The following GRIK4 variants were observed in gnomAD, a reference collection of about 807,000 sequenced individuals.
GRIK4 encodes the protein glutamate ionotropic receptor kainate type subunit 4.
GRIK4 carries 40 observed loss-of-function variants against 104.9 expected under a neutral mutation model. That is an observed-to-expected ratio of 0.38 (90% CI 0.30 to 0.50). The LOEUF is 0.50. Among genes scored for constraint, GRIK4 ranks in the 20% least tolerant of loss-of-function variants. GRIK4 has a pLI of 0.93. For missense variants in GRIK4, 1,047 were observed against 1,308.1 expected (o/e 0.80, Z 3.08); for synonymous variants, 485 against 524.9 (o/e 0.92, Z 1.04).
In GRIK4 at chr11:120,842,926, AG is replaced by A. The variant is rs1349904255; in HGVS notation, c.744+6085del. On this transcript the variant is annotated intron_variant, in intron 8 of 20. Coordinates refer to ENST00000527524, the MANE Select transcript of GRIK4 (RefSeq NM_014619.5). ...GCTCAATTTGAGCTAATAAATCTGGAGGGATTATCCAGCAACTAATGAACCC... is the reference window on the plus strand; with the variant it reads ...GCTCAATTTGAGCTAATAAATCTGGAGGATTATCCAGCAACTAATGAACCC... Among the ~76,000 whole-genome samples the A allele has an allele frequency of 2.0e-5, 3 of 152,380 alleles. No homozygotes were observed. In the East Asian group the frequency reaches 5.8e-4, roughly 29 times the overall value.
intron 11 of GRIK4, among the ~76,000 whole-genome samples, chr11:120,887,235 C>T (rs988274967): frequency 1.3e-5 from 2 of 152,150 alleles, no homozygotes; most frequent in African/African-American, 2.4e-5. Context: ...CCTTGTATCC[C>T]TCACATCAGT....
intron 3 of GRIK4, among the ~76,000 whole-genome samples, chr11:120,754,609 G>T (rs1203884453): frequency 6.6e-6 from 1 of 152,120 alleles, no homozygotes; most frequent in Non-Finnish European, 1.5e-5. Context: ...TATATACCTA[G>T]GAGTAGAATT....
chr11:120,619,425 G>A (rs1036298247), intron 1 of GRIK4, among the ~76,000 whole-genome samples: 1 of 152,184 alleles, frequency 6.6e-6, no homozygotes, highest in Non-Finnish European at 1.5e-5. Flanking sequence ...ATGCTGGAAT[G>A]AGTTAAGACT....
At chr11:120,586,369 G>A (rs987345618) in intron 1 of GRIK4, among the ~76,000 whole-genome samples, 2 of 152,110 alleles carry the variant, frequency 1.3e-5, no homozygotes, top group African/African-American at 2.4e-5. Flanking sequence ...AAGGTGCATG[G>A]GGAGGAGGAC....
At chr11:120,885,830 G>A (rs545449115) in intron 11 of GRIK4, among the ~76,000 whole-genome samples, 1 of 152,326 alleles carries the variant, frequency 6.6e-6, no homozygotes, top group African/African-American at 2.4e-5. Flanking sequence ...GCATCATACA[G>A]GGGTGGCATT....
Position 120,513,278 on chromosome 11 carries a change from A to G in GRIK4, c.-159+1391A>G, listed in dbSNP as rs1366693494. On this transcript the variant is annotated intron_variant, in intron 1 of 20. Transcript: ENST00000527524. This position sits in a 1 kb window ranked among gnomAD's most constrained non-coding sequence, Gnocchi z 4.5. ...TATGGGTCACCTGGTTGGTAGTGAC[A>G]CTTCTAGGAGCACCGGGAAACTGCG... Among the ~76,000 whole-genome samples, 5 of 152,080 alleles carry G rather than the reference A, an allele frequency of 3.3e-5. No individual in the cohort carries two copies. Among genetic ancestry groups the G allele is most frequent in the African/African-American group, 1.2e-4 (5 of 41,406 alleles).
chr11:120,835,538 C>A (rs1479884540), intron 7 of GRIK4, among the ~76,000 whole-genome samples: 2 of 151,086 alleles, frequency 1.3e-5, no homozygotes, highest in Non-Finnish European at 3.0e-5. Context: ...AAAGAAAAAA[C>A]AAACAAACAA....
chr11:120,781,019 G>A (rs181637898), intron 3 of GRIK4, among the ~76,000 whole-genome samples: 61 of 152,302 alleles, frequency 4.0e-4, no homozygotes, highest in Non-Finnish European at 7.6e-4. Context: ...TGGGATTACA[G>A]GCATGAGCCA....
chr11:120,803,538 A>G (rs1182421459), intron 4 of GRIK4, among the ~76,000 whole-genome samples: 1 of 152,106 alleles, frequency 6.6e-6, no homozygotes, highest in Non-Finnish European at 1.5e-5. Context: ...CCCGCGTTCA[A>G]GTGATTCTCA....
chr11:120,739,684 A>G (rs1200078250), intron 3 of GRIK4, among the ~76,000 whole-genome samples: 2 of 152,240 alleles, frequency 1.3e-5, no homozygotes, highest in African/African-American at 4.8e-5. Context: ...AAAATTCTGC[A>G]TTGCAATACG....
intron 3 of GRIK4, among the ~76,000 whole-genome samples, chr11:120,745,645 T>C (rs954571590): frequency 2.0e-5 from 3 of 152,224 alleles, no homozygotes; most frequent in African/African-American, 4.8e-5. Context: ...TTGGGCATTG[T>C]TGACCTTGAG....
At chr11:120,633,156 C>G (rs1399870529) in intron 1 of GRIK4, among the ~76,000 whole-genome samples, 1 of 152,106 alleles carries the variant, frequency 6.6e-6, no homozygotes, top group Admixed American at 6.5e-5. Flanking sequence ...ATTATATGTT[C>G]AGTGACAGTG....
At chr11:120,638,259 C>T (rs963012261) in intron 1 of GRIK4, among the ~76,000 whole-genome samples, 1 of 152,136 alleles carries the variant, frequency 6.6e-6, no homozygotes, top group Non-Finnish European at 1.5e-5. Context: ...CAAATACTGA[C>T]CCACTTAAAA....
At chr11:120,727,660 C>G (rs2135386059) in intron 3 of GRIK4, among the ~76,000 whole-genome samples, 1 of 151,462 alleles carries the variant, frequency 6.6e-6, no homozygotes, top group African/African-American at 2.4e-5. Flanking sequence ...ACGATGAGCT[C>G]AAAAGCATTT....
chr11:120,938,768 T>C (rs913031471), intron 13 of GRIK4, among the ~76,000 whole-genome samples: 1 of 152,228 alleles, frequency 6.6e-6, no homozygotes, highest in Non-Finnish European at 1.5e-5. Flanking sequence ...TCGTCTGAGA[T>C]ACAGCGCCCA....
intron 3 of GRIK4, among the ~76,000 whole-genome samples, chr11:120,663,546 A>C (rs1037604805): frequency 2.6e-5 from 4 of 152,184 alleles, no homozygotes; most frequent in Non-Finnish European, 5.9e-5. Flanking sequence ...AGACATTAGC[A>C]AATGTGTTAC....
chr11:120,515,457 G>C (rs561068439), intron 1 of GRIK4, among the ~76,000 whole-genome samples: 1 of 152,294 alleles, frequency 6.6e-6, no homozygotes, highest in East Asian at 1.9e-4. Flanking sequence ...AGTGTGACTC[G>C]TCCAGTGTGA....
chr11:120,640,444 T>A (rs1470169181), intron 1 of GRIK4, among the ~76,000 whole-genome samples: 2 of 152,218 alleles, frequency 1.3e-5, no homozygotes, highest in African/African-American at 4.8e-5. Flanking sequence ...CCAATAAATT[T>A]AAATCTCTTA....
intron 13 of GRIK4, among the ~76,000 whole-genome samples, chr11:120,933,964 G>A (rs1359320629): frequency 6.6e-6 from 1 of 152,048 alleles, no homozygotes; most frequent in Non-Finnish European, 1.5e-5. Context: ...CAGCACTTTG[G>A]GAGGCCAAGG....
Sources: gnomAD v4.1 joint callset for allele counts (sites outside exome capture counted in the v4.1 genomes callset) on GRCh38, gnomAD v4.1.1 for gene constraint, Gnocchi (gnomAD v3.1) non-coding constraint, MANE v1.5 for transcripts, NCBI Gene and HGNC (gene_info 2026-07-23, HGNC 2026-07-21) for gene names.